The following AURKB variants were observed in gnomAD, a reference collection of about 807,000 sequenced individuals.
AURKB encodes the protein aurora kinase B, also known as aurora kinase B-Sv1.
AURKB carries 28 observed loss-of-function variants against 36.5 expected under a neutral mutation model. The ratio of observed to expected loss-of-function variants is 0.77; its 90% CI spans 0.57 to 1.05. The LOEUF (loss-of-function observed/expected upper bound fraction) is 1.05. Ranked by LOEUF, AURKB falls within the 50% of genes least tolerant of loss-of-function variation. The probability of loss-of-function intolerance (pLI) is 0.00; values close to 1 mark genes in which losing one functional copy is unlikely to be tolerated. For synonymous variants in AURKB, 175 were observed against 172.9 expected, an observed-to-expected ratio of 1.01 and a Z score of -0.09; for missense variants, 383 against 447.4, an observed-to-expected ratio of 0.86 and a Z score of 1.30.
intron 2 of AURKB, among the ~76,000 whole-genome samples, chr17:8,209,165 C>G (rs1303866989): frequency 6.6e-6 from 1 of 152,042 alleles, no homozygotes; most frequent in Non-Finnish European, 1.5e-5. Flanking sequence ...GGATTACAGG[C>G]ACATGCCTGG....
chr17:8,204,792 G>C lies in AURKB; in HGVS notation c.*79C>G. The C allele has an allele frequency of 3.9e-6, 6 of 1,552,212 alleles. No homozygotes were observed. Among genetic ancestry groups the C allele is most frequent in the Non-Finnish European group, 5.3e-6 (6 of 1,142,444 alleles). ...AGGAGGAGGTAGAAAACAGATAAGG[G>C]AACAGTTAGGGATCCCTTCTTTCCC... On this transcript the variant is annotated 3_prime_UTR_variant, in exon 9 of 9. Coordinates refer to ENST00000585124, the MANE Select transcript of AURKB (RefSeq NM_004217.4).
At chr17:8,205,895 G>A (rs1334054384) in intron 7 of AURKB, among the ~76,000 whole-genome samples, 1 of 151,186 alleles carries the variant, frequency 6.6e-6, no homozygotes, top group Non-Finnish European at 1.5e-5. Context: ...TTACAAGTGT[G>A]CACCACCATG....
chr17:8,207,171 C>G lies in AURKB; in HGVS notation c.398+5G>C. The G allele has an allele frequency of 6.2e-7, 1 of 1,610,158 alleles. No homozygotes were observed. The highest frequency in any genetic ancestry group is 8.5e-7 in the Non-Finnish European group (1 of 1,177,076). On this transcript the variant is annotated splice_donor_5th_base_variant and intron_variant, in intron 5 of 8. Transcript: ENST00000585124. ...GGCTTCGGCTCAGGGGGCATCAACC[C>G]ATACTGCAGGTGGGCCTGGATTTCG...
intron 8 of AURKB, 26 bp from the exon 9 acceptor site, chr17:8,205,070 C>T (rs371287619): frequency 6.4e-7 from 1 of 1,568,014 alleles, no homozygotes; most frequent in Non-Finnish European, 8.6e-7. Flanking sequence ...GATGGAAGGG[C>T]TGCATTAGTT....
Position 8,204,825 on chromosome 17 carries a change from TAC to T in AURKB, c.*44_*45del, listed in dbSNP as rs1473824632. 1 of 1,604,602 alleles carries T rather than the reference TAC, an allele frequency of 6.2e-7. No individual in the cohort carries two copies. Among genetic ancestry groups the T allele is most frequent in the Non-Finnish European group, 8.5e-7 (1 of 1,176,040 alleles). ...AGGGATCCCTTCTTTCCCCTATACA[TAC>T]ACAGACATACAAACACACGCACCCG... On this transcript the variant is annotated 3_prime_UTR_variant, in exon 9 of 9. Coordinates refer to ENST00000585124, the MANE Select transcript of AURKB (RefSeq NM_004217.4).
chr17:8,204,817 C>G lies in AURKB; in HGVS notation c.*54G>C. 1 of 1,596,582 alleles carries G rather than the reference C, an allele frequency of 6.3e-7. No individual in the cohort carries two copies. The stretch of plus-strand genomic sequence containing the variant: ...GAACAGTTAGGGATCCCTTCTTTCC[C>G]CTATACATACACAGACATACAAACA... On this transcript the variant is annotated 3_prime_UTR_variant, in exon 9 of 9. Transcript: ENST00000585124.
At position 8,206,930 on chromosome 17, in the gene AURKB, A is replaced by G. The variant is rs1985393173; in HGVS notation, c.399-42T>C. On this transcript the variant is annotated intron_variant, in intron 5 of 8. Coordinates refer to ENST00000585124, the MANE Select transcript of AURKB (RefSeq NM_004217.4). The surrounding 1 kb of genome is among the most constrained non-coding windows in gnomAD (Gnocchi z 4.2). The stretch of plus-strand genomic sequence containing the variant: ...AGGAGGCCTCAGGCCAAAGGCATAA[A>G]AGAGCTGGAAAAGATGATAGGAGCA... The G allele has an allele frequency of 1.2e-6, 2 of 1,613,128 alleles. No individual in the cohort carries two copies. The highest frequency in any genetic ancestry group is 2.7e-5 in the African/African-American group (2 of 74,898).
chr17:8,210,306 G>T, intron 1 of AURKB, 57 bp from the exon 2 acceptor site: 1 of 1,276,924 alleles, frequency 7.8e-7, no homozygotes, highest in African/African-American at 1.5e-5. Flanking sequence ...AGAGAGGGAG[G>T]GGTTGGACCG....
Position 8,205,708 on chromosome 17 carries a change from C to T in AURKB, c.687-318G>A, listed in dbSNP as rs183359636. Among the ~76,000 whole-genome samples the T allele has an allele frequency of 4.6e-5, 7 of 152,272 alleles. No homozygotes were observed. In the East Asian group the frequency reaches 1.4e-3, roughly 29 times the overall value. ...GGCATGTTCTGGTTAAATAAATCAG[C>T]TACTATGTGATACTATGAAACCATT... On this transcript the variant is annotated intron_variant, in intron 7 of 8. Transcript: ENST00000585124.
chr17:8,206,876 G>C lies in AURKB; in HGVS notation c.411C>G (p.Ile137Met). 1 of 1,614,236 alleles carries C rather than the reference G, an allele frequency of 6.2e-7. No individual in the cohort carries two copies. The highest frequency in any genetic ancestry group is 8.5e-7 in the Non-Finnish European group (1 of 1,180,046). The change falls in exon 6 of 9, where the codon ATC becomes ATG. Residue 137 changes from isoleucine (I) to methionine (M), a missense_variant. Coordinates refer to ENST00000585124, the MANE Select transcript of AURKB (RefSeq NM_004217.4). The surrounding 1 kb of genome is among the most constrained non-coding windows in gnomAD (Gnocchi z 4.2). ...CATAAAAATAGTTGTAGAGACGCAG[G>C]ATGTTGGGATGGCTGGGGGAAGAGA... is the stretch of plus-strand genomic sequence containing the variant. ...EIQAHLHHPN[I>M]LRLYNYFYDR...
rs1364173515 is a variant in AURKB at position 8,205,210 on chromosome 17, T to C, written c.861+6A>G. ...AGCTGGCACGAAGCCCAGGCCGCCC[T>C]CCCACCTTGACGATGCGGCGATAGG... On this transcript the variant is annotated splice_donor_region_variant and intron_variant, in intron 8 of 8. Coordinates refer to ENST00000585124, the MANE Select transcript of AURKB (RefSeq NM_004217.4). The C allele has an allele frequency of 5.0e-6, 8 of 1,608,674 alleles. No homozygotes were observed. In the African/African-American group the frequency reaches 6.7e-5, roughly 13 times the overall value.
Position 8,205,227 on chromosome 17 carries a change from G to A in AURKB, c.850C>T (p.Arg284Cys), listed in dbSNP as rs140224531. ...ESASHNETYRRIVKVDLKFPA... is the reference protein window; with the variant it reads ...ESASHNETYRCIVKVDLKFPA... ...GGCCGCCCTCCCACCTTGACGATGC[G>A]GCGATAGGTCTCGTTGTGTGATGCA... Residue 284 changes from arginine (R) to cysteine (C), a missense_variant, in exon 8 of 9, where the codon CGC (arginine) becomes TGC (cysteine). This residue lies in a region of AURKB where 219 missense variants were observed against 252.6 expected (regional missense o/e 0.87). Coordinates refer to ENST00000585124, the MANE Select transcript of AURKB (RefSeq NM_004217.4). The A allele has an allele frequency of 1.9e-5, 31 of 1,612,882 alleles. No homozygotes were observed. The highest frequency in any genetic ancestry group is 8.9e-5 in the East Asian group (4 of 44,864).
At position 8,206,226 on chromosome 17, in the gene AURKB, G is replaced by A. The variant is rs138381233; in HGVS notation, c.686+265C>T. Among the ~76,000 whole-genome samples the A allele has an allele frequency of 4.6e-5, 7 of 151,270 alleles. No homozygotes were observed. In the East Asian group the frequency reaches 1.4e-3, roughly 29 times the overall value. On this transcript the variant is annotated intron_variant, in intron 7 of 8. Coordinates refer to ENST00000585124, the MANE Select transcript of AURKB (RefSeq NM_004217.4). This position sits in a 1 kb window ranked among gnomAD's most constrained non-coding sequence, Gnocchi z 4.2. ...GCTCACTGCAACCTCCGCCTCCCAGGTTCAAACAATTCTCCTGCCTCAGCC... is the reference window on the plus strand; with the variant it reads ...GCTCACTGCAACCTCCGCCTCCCAGATTCAAACAATTCTCCTGCCTCAGCC...
intron 2 of AURKB, 171 bp downstream of exon 2, chr17:8,210,006 G>T: frequency 1.2e-6 from 1 of 825,888 alleles, no homozygotes; most frequent in South Asian, 1.6e-5. Flanking sequence ...CTGACAGGAT[G>T]TGGCTACAAA....
Position 8,210,520 on chromosome 17 carries a change from G to A in AURKB, c.-26+10C>T, listed in dbSNP as rs1985963358. On this transcript the variant is annotated intron_variant, in intron 1 of 8. Transcript: ENST00000585124. ...CCCGGCGCAAGGCCTGCGACAGGAG[G>A]CCAGCTCACCTGGGGTCCAAGGCAC... is the stretch of plus-strand genomic sequence containing the variant. 1 of 469,810 alleles carries A rather than the reference G, an allele frequency of 2.1e-6. No individual in the cohort carries two copies. Among genetic ancestry groups the A allele is most frequent in the Non-Finnish European group, 3.8e-6 (1 of 265,272 alleles). 29.1% of individuals were successfully genotyped at this position (469,810 alleles called of 1,614,324 possible).
chr17:8,206,840 C>A lies in AURKB; in HGVS notation c.447G>T (p.Arg149Ser), dbSNP rs761715349. 41 of 1,614,080 alleles carry A rather than the reference C, an allele frequency of 2.5e-5. No individual in the cohort carries two copies. Among genetic ancestry groups the A allele is most frequent in the Non-Finnish European group, 3.4e-5 (40 of 1,180,054 alleles). ...RLYNYFYDRRRIYLILEYAPR... is the reference protein window; with the variant it reads ...RLYNYFYDRRSIYLILEYAPR... Reference sequence around the variant, plus strand: ...GGGCATACTCTAGAATCAAGTAGATCCTCCTCCGGTCATAAAAATAGTTGT... The same window carrying A: ...GGGCATACTCTAGAATCAAGTAGATACTCCTCCGGTCATAAAAATAGTTGT... The change falls in exon 6 of 9, where the codon AGG becomes AGT. Residue 149 changes from arginine (R) to serine (S), a missense_variant. Coordinates refer to ENST00000585124, the MANE Select transcript of AURKB (RefSeq NM_004217.4). This position sits in a 1 kb window ranked among gnomAD's most constrained non-coding sequence, Gnocchi z 4.2.
chr17:8,210,213 C>T lies in AURKB; in HGVS notation c.12G>A (p.Lys4=), dbSNP rs768594527. The change falls in exon 2 of 9, where the codon AAG becomes AAA. Residue 4 remains lysine, a synonymous_variant. Transcript: ENST00000585124. Reference sequence around the variant, plus strand: ...CGTAGGGCCAGGGGTAGGAGTTCTCCTTCTGGGCCATCCTTAGAGAGAAAG... The same window carrying T: ...CGTAGGGCCAGGGGTAGGAGTTCTCTTTCTGGGCCATCCTTAGAGAGAAAG... MAQ[K]ENSYPWPYGR... The T allele has an allele frequency of 1.2e-6, 2 of 1,609,748 alleles. No homozygotes were observed. Among genetic ancestry groups the T allele is most frequent in the Non-Finnish European group, 1.7e-6 (2 of 1,178,658 alleles).
intron 2 of AURKB, among the ~76,000 whole-genome samples, chr17:8,208,483 C>T (rs1985672111): frequency 6.6e-6 from 1 of 150,462 alleles, no homozygotes; most frequent in Non-Finnish European, 1.5e-5. Context: ...CCCAGCTACT[C>T]GGGAGGCTGA....
At position 8,205,286 on chromosome 17, in the gene AURKB, T is replaced by C. The variant is rs1352124464; in HGVS notation, c.791A>G (p.Tyr264Cys). Residue 264 changes from tyrosine (Y) to cysteine (C), a missense_variant, in exon 8 of 9, where the codon TAT becomes TGT. By Grantham distance (194) the Tyr-to-Cys change is radical. Transcript: ENST00000585124. Reference protein sequence around the residue: ...VDLWCIGVLCYELLVGNPPFE... With the variant: ...VDLWCIGVLCCELLVGNPPFE... ...GGGTGGGTTCCCCACCAGCAGCTCA[T>C]AGCAAAGCACTCCAATGCACCACAG... 6.2e-7 allele frequency: 1 copy of C among 1,614,176 alleles called. No individual in the cohort carries two copies. The highest frequency in any genetic ancestry group is 8.5e-7 in the Non-Finnish European group (1 of 1,180,032).
Sources: gnomAD v4.1 joint callset for allele counts (sites outside exome capture counted in the v4.1 genomes callset) on GRCh38, gnomAD v4.1.1 for gene constraint, gnomAD v4.1.1 regional missense constraint, Gnocchi (gnomAD v3.1) non-coding constraint, MANE v1.5 for transcripts, NCBI Gene and HGNC (gene_info 2026-07-23, HGNC 2026-07-21) for gene names.